ZNF717: variants seen among roughly 807,000 people sequenced by gnomAD.
The protein encoded by ZNF717 is krueppel-like factor X17.
In ZNF717, 9 loss-of-function variants were observed where a neutral mutation model predicts 13.8. The observed-to-expected ratio is 0.65, with a 90% CI of 0.39 to 1.14. The LOEUF is 1.14. ZNF717 is among the 50% of genes most tolerant of loss of function. The probability of loss-of-function intolerance (pLI) is 0.01; values close to 1 mark genes in which losing one functional copy is unlikely to be tolerated. For missense variants in ZNF717, 1,040 were observed against 1,080.7 expected, an observed-to-expected ratio of 0.96 and a Z score of 0.53; for synonymous variants, 327 against 364.1, an observed-to-expected ratio of 0.90 and a Z score of 1.16.
chr3:75,724,750 T>C (rs1938242563), intron 4 of ZNF717, among the ~76,000 whole-genome samples: 1 of 152,274 alleles, frequency 6.6e-6, no homozygotes, highest in Non-Finnish European at 1.5e-5. Context: ...CTGTCTTGTT[T>C]TGTGCTACGG....
rs1466447820 is a variant in ZNF717, at chr3:75,748,095, G to T, written c.58-6359C>A. 2.0e-5 allele frequency among the ~76,000 whole-genome samples: 3 copies of T among 152,296 alleles called. No individual in the cohort carries two copies. The East Asian group carries it at 5.8e-4, about 29-fold the overall frequency. On this transcript the variant is annotated intron_variant, in intron 2 of 4. Coordinates refer to ENST00000652011, the MANE Select transcript of ZNF717 (RefSeq NM_001290208.3). The stretch of plus-strand genomic sequence containing the variant: ...CGCAAATAAACTAGAAAATCTAGAA[G>T]AAATGGATAAATTCCTTGACACATA...
chr3:75,780,121 T>C (rs1193630026), intron 2 of ZNF717, among the ~76,000 whole-genome samples: 2 of 145,402 alleles, frequency 1.4e-5, no homozygotes, highest in South Asian at 4.3e-4. Flanking sequence ...CCCAAAACAA[T>C]GGGAGTGACG....
At chr3:75,781,183 CT>C (rs1944791111) in intron 2 of ZNF717, among the ~76,000 whole-genome samples, 1 of 152,270 alleles carries the variant, frequency 6.6e-6, no homozygotes, top group African/African-American at 2.4e-5. Context: ...GAAAACCTAA[CT>C]TGAGAGTATG....
chr3:75,755,341 A>G (rs1367434665), intron 2 of ZNF717, among the ~76,000 whole-genome samples: 2 of 152,272 alleles, frequency 1.3e-5, no homozygotes. Context: ...TTTATAGATA[A>G]TAATAAATAC....
intron 2 of ZNF717, among the ~76,000 whole-genome samples, chr3:75,762,978 CTG>C (rs1943158830): frequency 1.3e-5 from 2 of 151,888 alleles, no homozygotes; most frequent in African/African-American, 4.8e-5. Flanking sequence ...GTTGGGAAAA[CTG>C]TATATCCACA....
chr3:75,762,933 C>T (rs1272435320), intron 2 of ZNF717, among the ~76,000 whole-genome samples: 1 of 152,284 alleles, frequency 6.6e-6, no homozygotes, highest in Non-Finnish European at 1.5e-5. Context: ...GCCAAGACCA[C>T]TCAATGGTGA....
At position 75,738,603 on chromosome 3, in the gene ZNF717, T is replaced by G; in HGVS notation, c.1020A>C (p.Gly340=). Residue 340 remains glycine (G), a synonymous_variant, in exon 5 of 5, where the codon GGA becomes GGC. Coordinates refer to ENST00000652011, the MANE Select transcript of ZNF717 (RefSeq NM_001290208.3). Reference sequence around the variant, plus strand: ...GAAAGGTTTTACCACATTCATTGCATCCATAGGGCTTTTCCCCTGTGTGAA... The same window carrying G: ...GAAAGGTTTTACCACATTCATTGCAGCCATAGGGCTTTTCCCCTGTGTGAA... ...QRIHTGEKPY[G]CNECGKTFRR... The G allele has an allele frequency of 6.5e-7, 1 of 1,542,466 alleles. No individual in the cohort carries two copies. The highest frequency in any genetic ancestry group is 1.2e-5 in the South Asian group (1 of 83,524).
chr3:75,752,257 C>T (rs1313191891), intron 2 of ZNF717, among the ~76,000 whole-genome samples: 2 of 134,766 alleles, frequency 1.5e-5, no homozygotes, highest in Non-Finnish European at 3.3e-5. Flanking sequence ...TTGCTGGGTT[C>T]TGAGTGTTTG....
At chr3:75,759,246 A>G (rs1190228417) in intron 2 of ZNF717, among the ~76,000 whole-genome samples, 1 of 151,600 alleles carries the variant, frequency 6.6e-6, no homozygotes, top group Non-Finnish European at 1.5e-5. Context: ...AAAAAACTTA[A>G]GAGGGTATAT....
intron 2 of ZNF717, among the ~76,000 whole-genome samples, chr3:75,763,296 G>A (rs1943178610): frequency 6.6e-6 from 1 of 152,228 alleles, no homozygotes; most frequent in African/African-American, 2.4e-5. Flanking sequence ...TGCTTGGGAT[G>A]TGTTTCAGAT....
intron 4 of ZNF717, among the ~76,000 whole-genome samples, chr3:75,721,878 C>G (rs1404875644): frequency 8.1e-4 from 123 of 151,938 alleles, no homozygotes; most frequent in Non-Finnish European, 1.5e-3. Context: ...ACTTCCAAAT[C>G]TTTCTCTCTC....
At chr3:75,781,060 C>T (rs1170980442) in intron 2 of ZNF717, among the ~76,000 whole-genome samples, 2 of 152,222 alleles carry the variant, frequency 1.3e-5, no homozygotes, top group Admixed American at 1.3e-4. Flanking sequence ...AGAAAATAAC[C>T]AAAGGGAAGG....
intron 2 of ZNF717, among the ~76,000 whole-genome samples, chr3:75,761,054 A>G (rs2107549434): frequency 6.6e-6 from 1 of 152,320 alleles, no homozygotes; most frequent in Admixed American, 6.5e-5. Flanking sequence ...AAATTTATAA[A>G]TTCCTAGAAA....
Position 75,736,755 on chromosome 3 carries a change from C to A in ZNF717, c.*123G>T, listed in dbSNP as rs1418453405. 122 of 1,063,690 alleles carry A rather than the reference C, an allele frequency of 1.1e-4. No homozygotes were observed. Among genetic ancestry groups the A allele is most frequent in the Non-Finnish European group, 1.4e-4 (110 of 763,244 alleles). The allele number at this position is 1,063,690 out of a possible 1,614,324, so 65.9% of individuals were successfully genotyped here. On this transcript the variant is annotated 3_prime_UTR_variant, in exon 5 of 5. Coordinates refer to ENST00000652011, the MANE Select transcript of ZNF717 (RefSeq NM_001290208.3). ...AGCCTGCATGATAGGACTTCTGTTA[C>A]AGCATGGTTAAGACCTTCTTGTTGG...
chr3:75,758,070 A>T (rs1432816009), intron 2 of ZNF717, among the ~76,000 whole-genome samples: 1 of 142,122 alleles, frequency 7.0e-6, no homozygotes, highest in African/African-American at 2.6e-5. Flanking sequence ...GTGAGCTGAG[A>T]TCGTGTTGTC....
At chr3:75,775,851 C>CAA (rs56879372) in intron 2 of ZNF717, among the ~76,000 whole-genome samples, 31 of 79,620 alleles carry the variant, frequency 3.9e-4, no homozygotes, top group African/African-American at 5.5e-4. Flanking sequence ...GACTCTGTCT[C>CAA]AAAAAAAAAA....
intron 2 of ZNF717, among the ~76,000 whole-genome samples, chr3:75,758,368 C>T (rs1210552322): frequency 2.6e-5 from 4 of 152,156 alleles, no homozygotes; most frequent in South Asian, 2.1e-4. Flanking sequence ...GAAATCTACT[C>T]GTGGTGAAGA....
At chr3:75,699,736 G>A (rs1306744510) in intron 6 of ZNF717, among the ~76,000 whole-genome samples, 2 of 152,424 alleles carry the variant, frequency 1.3e-5, no homozygotes, top group East Asian at 3.9e-4. Context: ...ATTTTTTATA[G>A]CAATGTGAGA....
At chr3:75,723,077 C>A (rs78856100) in intron 4 of ZNF717, among the ~76,000 whole-genome samples, 1 of 151,598 alleles carries the variant, frequency 6.6e-6, no homozygotes, top group Non-Finnish European at 1.5e-5. Context: ...CACTTTATTA[C>A]AAAATATTTT....
Sources: allele counts gnomAD v4.1 joint callset (sites outside exome capture counted in the v4.1 genomes callset), GRCh38; gene constraint gnomAD v4.1.1; transcripts MANE v1.5; gene names NCBI Gene and HGNC (gene_info 2026-07-23, HGNC 2026-07-21).